The following MEGF11 variants were observed in gnomAD, a reference collection of about 807,000 sequenced individuals.
MEGF11 encodes multiple EGF like domains 11.
Under a neutral mutation model 146.6 loss-of-function variants are expected in MEGF11, and 126 were observed. That is an observed-to-expected ratio of 0.86 (90% CI 0.74 to 1.00). The LOEUF (loss-of-function observed/expected upper bound fraction) is 1.00. Among genes scored for constraint, MEGF11 ranks in the 50% least tolerant of loss-of-function variants. MEGF11 has a pLI of 0.00. For synonymous variants in MEGF11, 532 were observed against 583.4 expected (o/e 0.91, Z 1.27); for missense variants, 1,509 against 1,521.2 (o/e 0.99, Z 0.13).
In MEGF11 at chr15:65,913,856, A is replaced by G. The variant is rs1208813762; in HGVS notation, c.2591T>C (p.Val864Ala). The change falls in exon 20 of 26, where the codon GTG becomes GCG. Residue 864 changes from valine (V) to alanine (A), a missense_variant. Transcript: ENST00000395614. ...GIMLLLFLIV[V>A]LLGLFAWHRR... ...ATGCCAGGCAAATAGGCCCAGCAGC[A>G]CCACAATGAGGAATAACAGGAGCAT... 3 of 1,613,884 alleles carry G rather than the reference A, an allele frequency of 1.9e-6. No individual in the cohort carries two copies.
intron 9 of MEGF11, among the ~76,000 whole-genome samples, chr15:65,964,416 G>A (rs2080982838): frequency 6.6e-6 from 1 of 152,216 alleles, no homozygotes; most frequent in Admixed American, 6.5e-5. Flanking sequence ...TGGCCCTCGT[G>A]ATTTTTAAGG....
In MEGF11 at chr15:66,193,552, A is replaced by G. The variant is rs146225771; in HGVS notation, c.-9+60053T>C. 2.8e-3 allele frequency among the ~76,000 whole-genome samples: 421 copies of G among 152,316 alleles called. 1 individual carries two copies. The highest frequency in any genetic ancestry group is 9.5e-3 in the African/African-American group (396 of 41,572). On this transcript the variant is annotated intron_variant, in intron 1 of 25. Transcript: ENST00000395614. ...GTTAACTCATGAACTTCAAGGGTCC[A>G]CTTACCCACAGATTTTTTTCCCACC...
At chr15:66,183,504 C>T (rs2090608073) in intron 1 of MEGF11, among the ~76,000 whole-genome samples, 2 of 149,906 alleles carry the variant, frequency 1.3e-5, no homozygotes, top group South Asian at 2.1e-4. Flanking sequence ...CATCCTGCCA[C>T]CAACACCCCG....
chr15:65,970,508 A>T, intron 8 of MEGF11, 45 bp downstream of exon 8: 1 of 1,592,228 alleles, frequency 6.3e-7, no homozygotes, highest in Non-Finnish European at 8.6e-7. Flanking sequence ...TCCTATGAAT[A>T]TGAGTAAAAT....
chr15:65,995,958 C>G (rs559752772), intron 5 of MEGF11, among the ~76,000 whole-genome samples: 1 of 152,228 alleles, frequency 6.6e-6, no homozygotes, highest in South Asian at 2.1e-4. Context: ...TATAGATGAG[C>G]AAACTGAGGC....
intron 3 of MEGF11, among the ~76,000 whole-genome samples, chr15:66,121,755 A>C (rs2088035040): frequency 6.6e-6 from 1 of 152,200 alleles, no homozygotes; most frequent in Non-Finnish European, 1.5e-5. Flanking sequence ...CTGGCCACTG[A>C]TTTATCCTTA....
chr15:66,106,124 TC>T (rs2087064231), intron 4 of MEGF11, among the ~76,000 whole-genome samples: 1 of 152,082 alleles, frequency 6.6e-6, no homozygotes, highest in African/African-American at 2.4e-5. Flanking sequence ...CGATTCTGGC[TC>T]CCTTGGTGAC....
chr15:66,151,752 C>T (rs752068176), intron 1 of MEGF11, among the ~76,000 whole-genome samples: 2 of 152,186 alleles, frequency 1.3e-5, no homozygotes, highest in Non-Finnish European at 2.9e-5. Context: ...AGCCCCAGAC[C>T]CACTTCCCCC....
At chr15:66,190,895 G>A (rs1385620892) in intron 1 of MEGF11, among the ~76,000 whole-genome samples, 1 of 152,116 alleles carries the variant, frequency 6.6e-6, no homozygotes, top group East Asian at 1.9e-4. Context: ...CTCCAAGCAG[G>A]TGAGATAAAA....
At chr15:65,965,298 G>A (rs1157704411) in intron 8 of MEGF11, 178 bp from the exon 9 acceptor site, 5 of 531,352 alleles carry the variant, frequency 9.4e-6, no homozygotes, top group East Asian at 3.1e-5. Flanking sequence ...GGTTTAGTTC[G>A]CCCCAGTCAT....
chr15:66,046,291 G>C (rs1207045018), intron 5 of MEGF11, among the ~76,000 whole-genome samples: 1 of 152,048 alleles, frequency 6.6e-6, no homozygotes, highest in African/African-American at 2.4e-5. Context: ...GTACACCCAG[G>C]ATCCCAAATC....
Position 65,982,455 on chromosome 15 carries a change from C to A in MEGF11, c.428G>T (p.Ser143Ile). Residue 143 changes from serine to isoleucine, a missense_variant, in exon 6 of 26, where the codon AGC becomes ATC. Physicochemically the swap from Ser to Ile is moderately radical, Grantham distance 142. Transcript: ENST00000395614. This position sits in a 1 kb window ranked among gnomAD's most constrained non-coding sequence, Gnocchi z 5.6. ...CDSDHWGPHCSNRCQCQNGAL... is the reference protein window; with the variant it reads ...CDSDHWGPHCINRCQCQNGAL... ...GCCGTTCTGGCACTGGCACCGGTTG[C>A]TGCAGTGGGGCCCCCAGTGGTCGCT... 1 of 1,490,832 alleles carries A rather than the reference C, an allele frequency of 6.7e-7. No homozygotes were observed. The highest frequency in any genetic ancestry group is 8.9e-7 in the Non-Finnish European group (1 of 1,119,006). 92.4% of individuals were successfully genotyped at this position (1,490,832 alleles called of 1,614,324 possible). A position where few individuals can be genotyped will look rare whatever the true frequency, so the allele number is the denominator to read the frequency against.
intron 1 of MEGF11, among the ~76,000 whole-genome samples, chr15:66,252,616 C>A (rs972373500): frequency 6.6e-6 from 1 of 152,226 alleles, no homozygotes; most frequent in Admixed American, 6.5e-5. Context: ...CACGCCGAGG[C>A]TCGGCGCTCC....
In MEGF11 at chr15:65,897,900, G is replaced by A. The variant is rs778078259; in HGVS notation, c.*34C>T. The A allele has an allele frequency of 2.5e-6, 4 of 1,601,898 alleles. No individual in the cohort carries two copies. The highest frequency in any genetic ancestry group is 2.2e-5 in the East Asian group (1 of 44,768). The stretch of plus-strand genomic sequence containing the variant: ...TCTTCTTTCAGAGTCAGAATATTCA[G>A]TAGAGCACACTGCAAGAGAGAAGCT... On this transcript the variant is annotated 3_prime_UTR_variant, in exon 26 of 26. Coordinates refer to ENST00000395614, the MANE Select transcript of MEGF11 (RefSeq NM_001385028.1).
intron 1 of MEGF11, among the ~76,000 whole-genome samples, chr15:66,222,656 C>G (rs75843671): frequency 6.6e-6 from 1 of 152,110 alleles, no homozygotes; most frequent in Non-Finnish European, 1.5e-5. Context: ...CTTCTTAGGA[C>G]CTAAGTTTAA....
At chr15:66,015,383 C>A (rs901740644) in intron 5 of MEGF11, among the ~76,000 whole-genome samples, 9 of 152,212 alleles carry the variant, frequency 5.9e-5, no homozygotes, top group African/African-American at 2.2e-4. Flanking sequence ...CTGCATAACC[C>A]AGATACACCA....
intron 5 of MEGF11, among the ~76,000 whole-genome samples, chr15:65,988,862 G>C (rs2081949781): frequency 6.6e-6 from 1 of 152,136 alleles, no homozygotes; most frequent in Non-Finnish European, 1.5e-5. Context: ...CCTGCAGCCA[G>C]CTCAGCGGGG....
chr15:66,189,944 G>A (rs926589867), intron 1 of MEGF11, among the ~76,000 whole-genome samples: 17 of 152,188 alleles, frequency 1.1e-4, no homozygotes, highest in Admixed American at 2.0e-4. Flanking sequence ...TTGTACCACT[G>A]CACTCCAGCC....
chr15:65,991,997 T>G (rs1262738700), intron 5 of MEGF11, among the ~76,000 whole-genome samples: 2 of 152,138 alleles, frequency 1.3e-5, no homozygotes, highest in African/African-American at 4.8e-5. Flanking sequence ...TGAGAGGAGC[T>G]CTGGGCAAGC....
Sources: allele counts gnomAD v4.1 joint callset (sites outside exome capture counted in the v4.1 genomes callset), GRCh38; gene constraint gnomAD v4.1.1; non-coding constraint Gnocchi (gnomAD v3.1); transcripts MANE v1.5; gene names NCBI Gene and HGNC (gene_info 2026-07-23, HGNC 2026-07-21).